CDKAL1: variants seen among roughly 807,000 people sequenced by gnomAD.
CDKAL1 encodes the protein CDKAL1 threonylcarbamoyladenosine tRNA methylthiotransferase.
CDKAL1 carries 32 observed loss-of-function variants against 68.2 expected under a neutral mutation model. The observed-to-expected ratio is 0.47, with a 90% CI of 0.35 to 0.63. CDKAL1 has a LOEUF of 0.63. CDKAL1 is among the 30% of genes least tolerant of loss of function. CDKAL1 has a pLI of 0.00. For missense variants in CDKAL1, 606 were observed against 696.7 expected, an observed-to-expected ratio of 0.87 and a Z score of 1.47; for synonymous variants, 234 against 244.3, an observed-to-expected ratio of 0.96 and a Z score of 0.39.
intron 8 of CDKAL1, among the ~76,000 whole-genome samples, chr6:20,839,809 A>G (rs995844783): frequency 7.9e-5 from 12 of 151,412 alleles, no homozygotes; most frequent in Non-Finnish European, 1.6e-4. Context: ...TCTGCCTAGC[A>G]CTCCTCCTAG....
chr6:20,914,597 A>T (rs1247501169), intron 9 of CDKAL1, among the ~76,000 whole-genome samples: 2 of 152,242 alleles, frequency 1.3e-5, no homozygotes, highest in South Asian at 2.1e-4. Context: ...GATGGTCAGT[A>T]GAAATTTGTT....
At chr6:20,607,445 G>T (rs1267928129) in intron 4 of CDKAL1, among the ~76,000 whole-genome samples, 1 of 151,952 alleles carries the variant, frequency 6.6e-6, no homozygotes, top group African/African-American at 2.4e-5. Context: ...GTAAATATTA[G>T]AAAAAAGATT....
chr6:20,667,946 A>G (rs1769631459), intron 5 of CDKAL1, among the ~76,000 whole-genome samples: 1 of 152,158 alleles, frequency 6.6e-6, no homozygotes, highest in African/African-American at 2.4e-5. Flanking sequence ...AAACTTCATT[A>G]CAGCTCTGAT....
intron 4 of CDKAL1, among the ~76,000 whole-genome samples, chr6:20,648,768 G>C (rs1388117310): frequency 6.6e-6 from 1 of 152,176 alleles, no homozygotes; most frequent in Non-Finnish European, 1.5e-5. Context: ...TGGATTATTT[G>C]TTGCATTGCC....
intron 10 of CDKAL1, among the ~76,000 whole-genome samples, chr6:20,975,164 C>T (rs889171209): frequency 1.3e-5 from 2 of 152,004 alleles, no homozygotes; most frequent in Non-Finnish European, 2.9e-5. Flanking sequence ...AAATTAGAGC[C>T]AGATCTTTTG....
intron 12 of CDKAL1, among the ~76,000 whole-genome samples, chr6:21,066,582 C>G (rs1194129773): frequency 2.0e-5 from 3 of 152,106 alleles, no homozygotes; most frequent in Non-Finnish European, 4.4e-5. Context: ...ATTCCATTAG[C>G]CCCCTCAAGA....
intron 15 of CDKAL1, among the ~76,000 whole-genome samples, chr6:21,206,687 C>G (rs554193420): frequency 1.3e-5 from 2 of 152,178 alleles, no homozygotes; most frequent in South Asian, 4.2e-4. Flanking sequence ...TGGAGTCTGT[C>G]AGGTTTGGGT....
chr6:21,220,166 G>T (rs941140399), intron 15 of CDKAL1, among the ~76,000 whole-genome samples: 2 of 151,898 alleles, frequency 1.3e-5, no homozygotes, highest in Non-Finnish European at 2.9e-5. Flanking sequence ...TGTGCCTCTT[G>T]GTTCCTTTTT....
chr6:20,896,518 A>AT (rs1392177212), intron 9 of CDKAL1, among the ~76,000 whole-genome samples: 2 of 152,238 alleles, frequency 1.3e-5, no homozygotes, highest in Non-Finnish European at 2.9e-5. Flanking sequence ...TTGATATAAA[A>AT]TGCATATTTC....
Position 20,948,666 on chromosome 6 carries a change from G to T in CDKAL1, c.743-6753G>T, listed in dbSNP as rs139213039. ...GAGCCTGTTGTGATTTTTAAAGATA[G>T]AATTACACCTCTCTCGACATCCTGC... On this transcript the variant is annotated intron_variant, in intron 9 of 15. Coordinates refer to ENST00000274695, the MANE Select transcript of CDKAL1 (RefSeq NM_017774.3). Among the ~76,000 whole-genome samples the T allele has an allele frequency of 4.6e-3, 701 of 152,238 alleles. 4 individuals carry two copies. The highest frequency in any genetic ancestry group is 0.016 in the African/African-American group (661 of 41,542).
intron 9 of CDKAL1, among the ~76,000 whole-genome samples, chr6:20,860,166 C>T (rs1417660807): frequency 6.6e-6 from 1 of 152,140 alleles, no homozygotes; most frequent in Non-Finnish European, 1.5e-5. Context: ...CAACCTTCGC[C>T]TCCCGGGTTC....
At chr6:20,877,164 A>G (rs917677947) in intron 9 of CDKAL1, among the ~76,000 whole-genome samples, 2 of 152,200 alleles carry the variant, frequency 1.3e-5, no homozygotes, top group African/African-American at 4.8e-5. Flanking sequence ...TGGTTAGGGA[A>G]GCATTCCTGC....
chr6:20,763,224 C>T (rs971585929), intron 7 of CDKAL1, among the ~76,000 whole-genome samples: 1 of 152,100 alleles, frequency 6.6e-6, no homozygotes, highest in Non-Finnish European at 1.5e-5. Flanking sequence ...CCCTCCCTGC[C>T]TATTTTGGGT....
intron 13 of CDKAL1, among the ~76,000 whole-genome samples, chr6:21,157,663 T>C (rs1206627180): frequency 2.0e-5 from 3 of 152,236 alleles, no homozygotes; most frequent in Non-Finnish European, 2.9e-5. Flanking sequence ...AGTAGTTTGA[T>C]AGTACTTCTG....
At chr6:21,163,141 C>T (rs930260925) in intron 13 of CDKAL1, among the ~76,000 whole-genome samples, 2 of 152,166 alleles carry the variant, frequency 1.3e-5, no homozygotes, top group Non-Finnish European at 2.9e-5. Flanking sequence ...TGATGTATAA[C>T]GCTAGCAAAT....
intron 15 of CDKAL1, among the ~76,000 whole-genome samples, chr6:21,210,055 TGTAATAGTATTAA>T (rs141779455): frequency 0.14 from 21,730 of 152,184 alleles, 1,626 homozygotes; most frequent in East Asian, 0.22. Flanking sequence ...TTATACGTGT[TGTAATAGTATTAA>T]TAATATGCCC....
chr6:21,144,363 C>A (rs1776061411), intron 13 of CDKAL1, among the ~76,000 whole-genome samples: 1 of 152,150 alleles, frequency 6.6e-6, no homozygotes, highest in African/African-American at 2.4e-5. Context: ...CATAAATGAA[C>A]AACTGTTTTT....
chr6:21,189,017 T>A (rs995115863), intron 13 of CDKAL1, among the ~76,000 whole-genome samples: 1 of 152,166 alleles, frequency 6.6e-6, no homozygotes, highest in Non-Finnish European at 1.5e-5. Context: ...CTATTGGCTC[T>A]CGATCAGCAG....
intron 4 of CDKAL1, among the ~76,000 whole-genome samples, chr6:20,621,098 T>C (rs537740141): frequency 4.9e-4 from 74 of 152,258 alleles, no homozygotes; most frequent in African/African-American, 1.6e-3. Context: ...AGATTTACCA[T>C]TTGCATTTAA....
Sources: allele counts gnomAD v4.1 joint callset (sites outside exome capture counted in the v4.1 genomes callset), GRCh38; gene constraint gnomAD v4.1.1; transcripts MANE v1.5; gene names NCBI Gene and HGNC (gene_info 2026-07-23, HGNC 2026-07-21).